SMTN: variants seen among roughly 807,000 people sequenced by gnomAD.
SMTN encodes smoothelin.
Under a neutral mutation model 102.0 loss-of-function variants are expected in SMTN, and 58 were observed. The ratio of observed to expected loss-of-function variants is 0.57; its 90% CI spans 0.46 to 0.71. The LOEUF (loss-of-function observed/expected upper bound fraction) is 0.71, where lower values mean the gene tolerates loss of function less well. Ranked by LOEUF, SMTN falls within the 30% of genes least tolerant of loss-of-function variation. The pLI is 0.00. For missense variants in SMTN, 1,185 were observed against 1,241.7 expected (o/e 0.95, Z 0.69); for synonymous variants, 478 against 497.9 (o/e 0.96, Z 0.53).
intron 1 of SMTN, among the ~76,000 whole-genome samples, chr22:31,068,672 G>C (rs1479069549): frequency 6.6e-6 from 1 of 152,186 alleles, no homozygotes; most frequent in Admixed American, 6.5e-5. Flanking sequence ...GAGCCCCTTC[G>C]TTGACGCCAG....
At chr22:31,104,151 G>C (rs2044310860) in intron 20 of SMTN, 165 bp from the exon 21 acceptor site, 1 of 736,316 alleles carries the variant, frequency 1.4e-6, no homozygotes, top group African/African-American at 1.8e-5. Flanking sequence ...TCCAGGCTTG[G>C]GTAGATGAAG....
rs192896387 is a variant in SMTN, at chr22:31,093,448, A to G, written c.1632+1601A>G. On this transcript the variant is annotated intron_variant, in intron 11 of 20. Transcript: ENST00000333137. Reference sequence around the variant, plus strand: ...CCCCCATAGAGTCCCCACCAGCACCATGCCGGGGGTACCAGGGCCTGGGCC... The same window carrying G: ...CCCCCATAGAGTCCCCACCAGCACCGTGCCGGGGGTACCAGGGCCTGGGCC... 3.7e-3 allele frequency: 2,035 copies of G among 550,266 alleles called. 10 individuals are homozygous for G. Among genetic ancestry groups the G allele is most frequent in the South Asian group, 0.011 (582 of 53,730 alleles). The allele number at this position is 550,266 out of a possible 1,614,324, so 34.1% of individuals were successfully genotyped here. A position where few individuals can be genotyped will look rare whatever the true frequency, so the allele number is the denominator to read the frequency against.
At chr22:31,103,337 G>A (rs535864156) in intron 20 of SMTN, 14 of 152,404 alleles carry the variant, frequency 9.2e-5, no homozygotes, top group Admixed American at 9.2e-4. Flanking sequence ...AGGGATCAAG[G>A]CAGAAGAGGT....
chr22:31,102,056 C>G (rs958678515), intron 20 of SMTN: 1 of 151,966 alleles, frequency 6.6e-6, no homozygotes, highest in African/African-American at 2.4e-5. Flanking sequence ...TGCCATACTC[C>G]AAAGTGGGGA....
At chr22:31,098,912 TGGCCCGGCA>T in intron 17 of SMTN, 72 bp downstream of exon 17, 1 of 1,551,424 alleles carries the variant, frequency 6.4e-7, no homozygotes, top group Non-Finnish European at 8.8e-7. Flanking sequence ...GCTTGATAGT[TGGCCCGGCA>T]GAGGCGGGAA....
At chr22:31,083,088 C>T (rs958159417) in intron 1 of SMTN, 91 bp from the exon 2 acceptor site, 1 of 1,516,322 alleles carries the variant, frequency 6.6e-7, no homozygotes, top group African/African-American at 1.4e-5. Context: ...ATGGACGCTC[C>T]TAGGTTAGAG....
At position 31,091,656 on chromosome 22, in the gene SMTN, C is replaced by T; in HGVS notation, c.1460-19C>T. The T allele has an allele frequency of 6.4e-7, 1 of 1,566,962 alleles. No individual in the cohort carries two copies. Among genetic ancestry groups the T allele is most frequent in the Non-Finnish European group, 8.7e-7 (1 of 1,151,100 alleles). On this transcript the variant is annotated intron_variant, in intron 10 of 20. Coordinates refer to ENST00000333137, the MANE Select transcript of SMTN (RefSeq NM_134269.3). ...CACTCCACCTGATCCTCCTGACAGC[C>T]ACCTTTCTCCCCACTCAGAACTGAC...
chr22:31,104,057 G>A, intron 20 of SMTN: 2 of 513,666 alleles, frequency 3.9e-6, no homozygotes, highest in South Asian at 5.4e-5. Flanking sequence ...AGCAGACCCA[G>A]GACCTGCCTG....
At chr22:31,091,597 C>T (rs1220133947) in intron 10 of SMTN, 78 bp from the exon 11 acceptor site, 10 of 1,512,530 alleles carry the variant, frequency 6.6e-6, no homozygotes, top group Non-Finnish European at 8.0e-6. Context: ...GTGCTGGGAG[C>T]GAGGGCATTA....
chr22:31,104,476 C>G lies in SMTN; in HGVS notation c.*181C>G. ...CGGCAAGAATGTCTAGCCTGCCCGC[C>G]CGCATGGCCAGCCAGTGGCAAGCTG... On this transcript the variant is annotated 3_prime_UTR_variant, in exon 21 of 21. Transcript: ENST00000333137. The G allele has an allele frequency of 6.2e-7, 1 of 1,611,366 alleles. No homozygotes were observed. The highest frequency in any genetic ancestry group is 1.3e-5 in the African/African-American group (1 of 75,044).
chr22:31,081,522 T>A (rs1384104827), intron 1 of SMTN, 66 bp downstream of exon 1: 1 of 152,414 alleles, frequency 6.6e-6, no homozygotes, highest in Non-Finnish European at 1.5e-5. Flanking sequence ...GGAACCCGGA[T>A]GTCTAGACAG....
Position 31,090,119 on chromosome 22 carries a change from C to T in SMTN, c.804C>T (p.Gly268=), listed in dbSNP as rs1380964455. 1 of 1,612,176 alleles carries T rather than the reference C, an allele frequency of 6.2e-7. No individual in the cohort carries two copies. The highest frequency in any genetic ancestry group is 1.1e-5 in the South Asian group (1 of 90,838). ...CTTCTCCCTTGCAGCTTCTGTCTGGCCCCAAAGAGACCCCTGCTGCCCAGA... is the reference window on the plus strand; with the variant it reads ...CTTCTCCCTTGCAGCTTCTGTCTGGTCCCAAAGAGACCCCTGCTGCCCAGA... ...EGQVVNKLLS[G]PKETPAAQSP... is the part of the protein sequence containing the mutation. Residue 268 remains glycine (G), a synonymous_variant, in exon 8 of 21, where the codon GGC becomes GGT. Transcript: ENST00000333137.
intron 2 of SMTN, chr22:31,085,319 G>T: frequency 1.4e-6 from 2 of 1,475,826 alleles, no homozygotes; most frequent in Non-Finnish European, 1.8e-6. Flanking sequence ...GGCGCCCTGC[G>T]AGGGAGGGCG....
At position 31,088,771 on chromosome 22, in the gene SMTN, A is replaced by G. The variant is rs1490135467; in HGVS notation, c.367A>G (p.Ile123Val). Residue 123 changes from isoleucine to valine, a missense_variant, in exon 5 of 21, where the codon ATT becomes GTT. By Grantham distance (29) the Ile-to-Val change is conservative. Coordinates refer to ENST00000333137, the MANE Select transcript of SMTN (RefSeq NM_134269.3). ...CATCCGCCGTGTACGGGCTCAGGAGATTGAGGGTATGTGGCCTGTCCCGGC... is the reference window on the plus strand; with the variant it reads ...CATCCGCCGTGTACGGGCTCAGGAGGTTGAGGGTATGTGGCCTGTCCCGGC... ...AAIRRVRAQEIEAATLAGRLY... is the reference protein window; with the variant it reads ...AAIRRVRAQEVEAATLAGRLY... 1.2e-5 allele frequency: 20 copies of G among 1,612,768 alleles called. No homozygotes were observed. Among genetic ancestry groups the G allele is most frequent in the Non-Finnish European group, 1.6e-5 (19 of 1,179,394 alleles).
upstream of SMTN, among the ~76,000 whole-genome samples, chr22:31,077,418 C>CAAAA (rs2042157919): frequency 6.6e-6 from 1 of 151,596 alleles, no homozygotes; most frequent in African/African-American, 2.4e-5. Context: ...AACAAAAGAA[C>CAAAA]GAGGGTTCTG....
intron 18 of SMTN, 164 bp downstream of exon 18, chr22:31,099,343 C>T: frequency 3.3e-6 from 2 of 606,574 alleles, no homozygotes; most frequent in Non-Finnish European, 2.9e-6. Flanking sequence ...TCAAAGAGGA[C>T]ACAAGGCAAG....
intron 1 of SMTN, among the ~76,000 whole-genome samples, chr22:31,072,270 A>G (rs150884776): frequency 0.054 from 8,225 of 152,116 alleles, 250 homozygotes; most frequent in African/African-American, 0.08. Context: ...TGGATGAGGA[A>G]ACTGAGGCCT....
At position 31,091,174 on chromosome 22, in the gene SMTN, G is replaced by T; in HGVS notation, c.1151G>T (p.Arg384Leu). The T allele has an allele frequency of 6.2e-7, 1 of 1,613,420 alleles. No homozygotes were observed. The highest frequency in any genetic ancestry group is 8.5e-7 in the Non-Finnish European group (1 of 1,179,748). The change falls in exon 10 of 21, where the codon CGG becomes CTG. Residue 384 changes from arginine (R) to leucine (L), a missense_variant. Physicochemically the swap from Arg to Leu is moderately radical, Grantham distance 102. Transcript: ENST00000333137. ...PASSSSGSSS[R>L]GPSDTSSRFS... ...TCCTCCTCCAGCGGCTCCTCCTCTC[G>T]GGGCCCCAGTGATACCTCCTCCCGG...
chr22:31,092,371 G>A, intron 11 of SMTN: 1 of 451,198 alleles, frequency 2.2e-6, no homozygotes, highest in South Asian at 1.6e-5. Flanking sequence ...AGGGGGGACA[G>A]ACAGGCAGAG....
Sources: gnomAD v4.1 joint callset for allele counts (sites outside exome capture counted in the v4.1 genomes callset) on GRCh38, gnomAD v4.1.1 for gene constraint, MANE v1.5 for transcripts, NCBI Gene and HGNC (gene_info 2026-07-23, HGNC 2026-07-21) for gene names.